Variants in CRHR1 observed in about 807,000 individuals in gnomAD.
The protein encoded by CRHR1 is corticotropin releasing hormone receptor 1.
In CRHR1, 28 loss-of-function variants were observed where a neutral mutation model predicts 56.0. The ratio of observed to expected loss-of-function variants is 0.50; its 90% CI spans 0.37 to 0.69. The LOEUF (loss-of-function observed/expected upper bound fraction) is 0.69, where lower values mean the gene tolerates loss of function less well. Among genes scored for constraint, CRHR1 ranks in the 30% least tolerant of loss-of-function variants. CRHR1 has a pLI of 0.00. For missense variants in CRHR1, 376 were observed against 548.0 expected (o/e 0.69, Z 3.13); for synonymous variants, 195 against 216.5 (o/e 0.90, Z 0.87).
Position 45,833,188 on chromosome 17 carries a change from G to A in CRHR1, c.821G>A (p.Gly274Asp). The A allele has an allele frequency of 1.9e-6, 3 of 1,614,130 alleles. No homozygotes were observed. The highest frequency in any genetic ancestry group is 2.5e-6 in the Non-Finnish European group (3 of 1,180,018). The change falls in exon 9 of 13, where the codon GGC becomes GAC. Residue 274 changes from glycine to aspartate, a missense_variant. Coordinates refer to ENST00000314537, the MANE Select transcript of CRHR1 (RefSeq NM_004382.5). ...GTGTACACCGACTACATCTACCAGG[G>A]CCCCATGATCCTGGTCCTGCTGGTA... ...PGVYTDYIYQGPMILVLLINF... is the reference protein window; with the variant it reads ...PGVYTDYIYQDPMILVLLINF...
chr17:45,833,693 T>TGGGGGGCCCCCCCCCCCC, intron 10 of CRHR1, 21 bp from the exon 11 acceptor site: 4 of 1,571,600 alleles, frequency 2.5e-6, no homozygotes, highest in South Asian at 1.1e-5. Flanking sequence ...ACTCCGAGCC[T>TGGGGGGCCCCCCCCCCCC]CCCCACCCGC....
chr17:45,802,605 T>G (rs2061643927), intron 1 of CRHR1, among the ~76,000 whole-genome samples: 1 of 152,174 alleles, frequency 6.6e-6, no homozygotes, highest in African/African-American at 2.4e-5. Context: ...CAGGCACAGA[T>G]TCTGCTACAG....
At position 45,825,959 on chromosome 17, in the gene CRHR1, C is replaced by T. The variant is rs115042513; in HGVS notation, c.328-3256C>T. The T allele has an allele frequency of 5.5e-3, 843 of 152,568 alleles. 9 individuals carry two copies. The highest frequency in any genetic ancestry group is 0.019 in the African/African-American group (785 of 41,578). The allele number at this position is 152,568 out of a possible 1,614,324, so 9.5% of individuals were successfully genotyped here. A position where few individuals can be genotyped will look rare whatever the true frequency, so the allele number is the denominator to read the frequency against. On this transcript the variant is annotated intron_variant, in intron 4 of 12. Coordinates refer to ENST00000314537, the MANE Select transcript of CRHR1 (RefSeq NM_004382.5). ...GGTGGTGTCCTGCAGAGAGTCCAGT[C>T]AGAGTCAGCCGGGCACAAATTGCTT...
At chr17:45,810,914 C>T (rs1050027761) in intron 2 of CRHR1, among the ~76,000 whole-genome samples, 1 of 152,266 alleles carries the variant, frequency 6.6e-6, no homozygotes, top group African/African-American at 2.4e-5. Flanking sequence ...TCCCACAGCA[C>T]ATTCCTCTGA....
chr17:45,802,588 G>A (rs2061643607), intron 1 of CRHR1, among the ~76,000 whole-genome samples: 1 of 152,216 alleles, frequency 6.6e-6, no homozygotes, highest in Admixed American at 6.5e-5. Context: ...CAGAGCAAGA[G>A]GTGGCACAGG....
intron 1 of CRHR1, among the ~76,000 whole-genome samples, chr17:45,795,626 C>T (rs1273123258): frequency 2.0e-5 from 3 of 152,190 alleles, no homozygotes; most frequent in Non-Finnish European, 4.4e-5. Context: ...GAGTTATCCT[C>T]ACTTCTGTTG....
intron 1 of CRHR1, among the ~76,000 whole-genome samples, chr17:45,798,521 G>A (rs1389733555): frequency 2.7e-5 from 4 of 145,644 alleles, no homozygotes; most frequent in South Asian, 4.3e-4. Flanking sequence ...GCGAGACTCC[G>A]TCTCGGGAAA....
Position 45,816,508 on chromosome 17 carries a change from C to T in CRHR1, c.167C>T (p.Pro56Leu). ...GTGGACCTCATTGGCACCTGCTGGC[C>T]CCGCAGCCCTGCGGGGCAGCTAGTG... is the stretch of plus-strand genomic sequence containing the variant. ...ASVDLIGTCWPRSPAGQLVVR... is the reference protein window; with the variant it reads ...ASVDLIGTCWLRSPAGQLVVR... Residue 56 changes from proline to leucine, a missense_variant, in exon 3 of 13, where the codon CCC (proline) becomes CTC (leucine). Pro to Leu is a moderately conservative substitution (Grantham distance 98). Coordinates refer to ENST00000314537, the MANE Select transcript of CRHR1 (RefSeq NM_004382.5). The T allele has an allele frequency of 6.2e-7, 1 of 1,614,154 alleles. No individual in the cohort carries two copies. Among genetic ancestry groups the T allele is most frequent in the Non-Finnish European group, 8.5e-7 (1 of 1,180,032 alleles).
intron 1 of CRHR1, among the ~76,000 whole-genome samples, chr17:45,797,421 G>A (rs2146280115): frequency 6.6e-6 from 1 of 151,786 alleles, no homozygotes; most frequent in African/African-American, 2.4e-5. Flanking sequence ...CTCCCGAGGA[G>A]CTGGGACTAC....
chr17:45,811,181 C>A (rs964342244), intron 2 of CRHR1, among the ~76,000 whole-genome samples: 4 of 152,244 alleles, frequency 2.6e-5, no homozygotes, highest in African/African-American at 4.8e-5. Flanking sequence ...GGACCCTGAG[C>A]CTGATGGGAG....
chr17:45,803,751 A>T (rs2061665555), intron 1 of CRHR1, among the ~76,000 whole-genome samples: 1 of 96,558 alleles, frequency 1.0e-5, no homozygotes, highest in Admixed American at 1.1e-4. Context: ...TTTGAGAGAG[A>T]GAGTGCGTGT....
intron 3 of CRHR1, among the ~76,000 whole-genome samples, chr17:45,819,406 C>T (rs1396967868): frequency 1.3e-5 from 2 of 152,174 alleles, no homozygotes. Flanking sequence ...GCTCTTAGCA[C>T]TACTCCATGC....
chr17:45,817,704 G>T (rs1192913387), intron 3 of CRHR1, among the ~76,000 whole-genome samples: 1 of 152,210 alleles, frequency 6.6e-6, no homozygotes, highest in Non-Finnish European at 1.5e-5. Flanking sequence ...TGGGAGGCCA[G>T]GGCAGGGCAG....
chr17:45,829,664 A>C (rs1283759865), intron 5 of CRHR1: 6 of 1,549,744 alleles, frequency 3.9e-6, no homozygotes, highest in African/African-American at 1.4e-5. Context: ...GGGCCCCAGC[A>C]CTACCGCCAA....
chr17:45,830,556 T>G lies in CRHR1; in HGVS notation c.695T>G (p.Ile232Ser), dbSNP rs778189231. 1.6e-5 allele frequency: 26 copies of G among 1,610,912 alleles called. No homozygotes were observed. In the Admixed American group the frequency reaches 4.2e-4, roughly 26 times the overall value. Residue 232 changes from isoleucine (I) to serine (S), a missense_variant, in exon 7 of 13, where the codon ATC becomes AGC. Coordinates refer to ENST00000314537, the MANE Select transcript of CRHR1 (RefSeq NM_004382.5). ...STDRLRKWMF[I>S]CIGWGVPFPI... The stretch of plus-strand genomic sequence containing the variant: ...GACCGGCTGCGCAAATGGATGTTCA[T>G]CTGCATTGGCTGGGGTGAGCTGGGC...
Position 45,802,978 on chromosome 17 carries a change from A to G in CRHR1, c.34-4032A>G, listed in dbSNP as rs2061651727. Among the ~76,000 whole-genome samples, 3 of 152,134 alleles carry G rather than the reference A, an allele frequency of 2.0e-5. No individual in the cohort carries two copies. The South Asian group carries it at 6.2e-4, about 32-fold the overall frequency. The stretch of plus-strand genomic sequence containing the variant: ...GGCTGGTCTAAGTGCTCTACTTGTG[A>G]GCCTCACGGGCACAGGGTCCAGTGA... On this transcript the variant is annotated intron_variant, in intron 1 of 12. Coordinates refer to ENST00000314537, the MANE Select transcript of CRHR1 (RefSeq NM_004382.5).
Position 45,784,362 on chromosome 17 carries a change from G to A in CRHR1, c.-183G>A. 1 of 342,502 alleles carries A rather than the reference G, an allele frequency of 2.9e-6. No homozygotes were observed. Among genetic ancestry groups the A allele is most frequent in the Non-Finnish European group, 5.0e-6 (1 of 198,602 alleles). 21.2% of individuals were successfully genotyped at this position (342,502 alleles called of 1,614,324 possible). ...CTTCCCCGGGAAGGGGCGAGCGAGA[G>A]CCGGGCCGGGCCGGGCCGGGCCGCG... is the stretch of plus-strand genomic sequence containing the variant. On this transcript the variant is annotated 5_prime_UTR_variant, in exon 1 of 13. Coordinates refer to ENST00000314537, the MANE Select transcript of CRHR1 (RefSeq NM_004382.5). The surrounding 1 kb of genome is among the most constrained non-coding windows in gnomAD (Gnocchi z 4.2).
intron 3 of CRHR1, among the ~76,000 whole-genome samples, chr17:45,817,115 T>TG (rs200064412): frequency 1.4e-5 from 2 of 147,102 alleles, no homozygotes; most frequent in Non-Finnish European, 3.1e-5. Flanking sequence ...GTAGGTGGAG[T>TG]GGGGCAGGAC....
intron 5 of CRHR1, chr17:45,829,727 A>G: frequency 7.2e-7 from 1 of 1,391,480 alleles, no homozygotes; most frequent in Non-Finnish European, 1.0e-6. Context: ...GGAGCCGAGC[A>G]TCAGGGCTGG....
Sources: allele counts gnomAD v4.1 joint callset (sites outside exome capture counted in the v4.1 genomes callset), GRCh38; gene constraint gnomAD v4.1.1; non-coding constraint Gnocchi (gnomAD v3.1); transcripts MANE v1.5; gene names NCBI Gene and HGNC (gene_info 2026-07-23, HGNC 2026-07-21).